Variants in LRRC7 observed in about 807,000 individuals in gnomAD.
LRRC7 encodes leucine-rich repeat-containing protein 7.
LRRC7 carries 23 observed loss-of-function variants against 175.7 expected under a neutral mutation model. The observed-to-expected ratio is 0.13, with a 90% CI of 0.09 to 0.19. The LOEUF (loss-of-function observed/expected upper bound fraction) is 0.19, where lower values mean the gene tolerates loss of function less well. Ranked by LOEUF, LRRC7 falls within the 10% of genes least tolerant of loss-of-function variation. The probability of loss-of-function intolerance (pLI) is 1.00; values close to 1 mark genes in which losing one functional copy is unlikely to be tolerated. For missense variants in LRRC7, 1,354 were observed against 1,904.7 expected (o/e 0.71, Z 5.38); for synonymous variants, 685 against 680.9 (o/e 1.01, Z -0.09).
intron 4 of LRRC7, among the ~76,000 whole-genome samples, chr1:69,824,466 C>T (rs1274407067): frequency 1.3e-5 from 2 of 152,008 alleles, no homozygotes; most frequent in Non-Finnish European, 2.9e-5. Flanking sequence ...CTTTTGGAGG[C>T]TCTTATTTAG....
At position 69,758,212 on chromosome 1, in the gene LRRC7, T is replaced by C. The variant is rs12078896; in HGVS notation, c.101-1979T>C. 9.6e-3 allele frequency among the ~76,000 whole-genome samples: 1,459 copies of C among 152,170 alleles called. 25 individuals are homozygous for C. The highest frequency in any genetic ancestry group is 0.034 in the African/African-American group (1,419 of 41,550). On this transcript the variant is annotated intron_variant, in intron 2 of 26. Coordinates refer to ENST00000651989, the MANE Select transcript of LRRC7 (RefSeq NM_001370785.2). ...CAATCAAGAATTTCAAGTAAGGTTA[T>C]GTAAAACAATAGTTACAAAATCTTG...
chr1:69,850,911 C>A (rs1314814337), intron 7 of LRRC7, among the ~76,000 whole-genome samples: 1 of 151,962 alleles, frequency 6.6e-6, no homozygotes, highest in African/African-American at 2.4e-5. Context: ...TTATGAAACT[C>A]TTTGAAGTTA....
intron 14 of LRRC7, among the ~76,000 whole-genome samples, chr1:70,018,211 A>G (rs1167082224): frequency 3.9e-5 from 6 of 152,242 alleles, no homozygotes; most frequent in East Asian, 1.9e-4. Flanking sequence ...ATTATGATAT[A>G]TCAGGTACAA....
chr1:70,093,699 AG>A (rs1158003037), intron 25 of LRRC7, among the ~76,000 whole-genome samples: 1 of 152,138 alleles, frequency 6.6e-6, no homozygotes, highest in African/African-American at 2.4e-5. Flanking sequence ...GATAATTAGG[AG>A]CATACTGTAC....
At chr1:69,642,881 T>C (rs1654449240) in intron 1 of LRRC7, among the ~76,000 whole-genome samples, 1 of 151,980 alleles carries the variant, frequency 6.6e-6, no homozygotes, top group South Asian at 2.1e-4. Context: ...GGAAGAGATT[T>C]ATTGTGGAAA....
At chr1:69,960,970 A>G (rs768094914) in intron 8 of LRRC7, among the ~76,000 whole-genome samples, 1 of 152,184 alleles carries the variant, frequency 6.6e-6, no homozygotes, top group Middle Eastern at 3.2e-3. Context: ...TAGTATTGGA[A>G]TTTCTGGCTG....
At chr1:69,748,296 A>G (rs995919619) in intron 2 of LRRC7, among the ~76,000 whole-genome samples, 1 of 152,172 alleles carries the variant, frequency 6.6e-6, no homozygotes, top group African/African-American at 2.4e-5. Context: ...TGCTTTCTCT[A>G]CATTGTTTAC....
intron 3 of LRRC7, among the ~76,000 whole-genome samples, chr1:69,783,350 T>C (rs1673994194): frequency 6.6e-6 from 1 of 152,122 alleles, no homozygotes; most frequent in African/African-American, 2.4e-5. Flanking sequence ...GATAGACAAA[T>C]AGACCAGTAG....
At chr1:69,938,406 C>T (rs551855729) in intron 8 of LRRC7, among the ~76,000 whole-genome samples, 12 of 152,144 alleles carry the variant, frequency 7.9e-5, no homozygotes, top group South Asian at 6.2e-4. Flanking sequence ...AATTGTTAAT[C>T]TCAATATTCA....
chr1:69,742,806 A>G (rs1487422466), intron 2 of LRRC7, among the ~76,000 whole-genome samples: 1 of 152,004 alleles, frequency 6.6e-6, no homozygotes, highest in East Asian at 1.9e-4. Context: ...TATTGTTTAT[A>G]GAGCATAATT....
intron 8 of LRRC7, among the ~76,000 whole-genome samples, chr1:69,934,856 C>T (rs1647826368): frequency 6.6e-6 from 1 of 152,100 alleles, no homozygotes; most frequent in South Asian, 2.1e-4. Flanking sequence ...TGCAAGCCTC[C>T]TTCACTGCCT....
At chr1:70,030,524 T>C (rs1658601844) in intron 18 of LRRC7, among the ~76,000 whole-genome samples, 1 of 152,214 alleles carries the variant, frequency 6.6e-6, no homozygotes, top group African/African-American at 2.4e-5. Context: ...TATTTTTCAA[T>C]GTCCAGATTT....
chr1:69,714,085 C>A (rs576438871), intron 2 of LRRC7, among the ~76,000 whole-genome samples: 1 of 152,222 alleles, frequency 6.6e-6, no homozygotes, highest in Non-Finnish European at 1.5e-5. Context: ...CACAGCCTTA[C>A]ACCAATTCAC....
At chr1:69,794,471 G>T (rs905176930) in intron 4 of LRRC7, among the ~76,000 whole-genome samples, 1 of 152,154 alleles carries the variant, frequency 6.6e-6, no homozygotes, top group South Asian at 2.1e-4. Flanking sequence ...GATGACCTTA[G>T]GGCTACCATG....
At chr1:69,861,656 G>A (rs971751457) in intron 7 of LRRC7, among the ~76,000 whole-genome samples, 4 of 152,188 alleles carry the variant, frequency 2.6e-5, no homozygotes, top group African/African-American at 9.7e-5. Context: ...ATATGCTAGG[G>A]AATAAAGTGT....
intron 8 of LRRC7, among the ~76,000 whole-genome samples, chr1:69,971,118 G>A (rs1219516275): frequency 6.6e-6 from 1 of 151,972 alleles, no homozygotes; most frequent in African/African-American, 2.4e-5. Flanking sequence ...AGCATACAAG[G>A]ACATACCTCA....
intron 11 of LRRC7, among the ~76,000 whole-genome samples, chr1:69,996,185 G>C (rs1654944525): frequency 6.6e-6 from 1 of 151,058 alleles, no homozygotes; most frequent in African/African-American, 2.4e-5. Context: ...TGTGTTTTTT[G>C]GCTGCATAAA....
intron 1 of LRRC7, among the ~76,000 whole-genome samples, chr1:69,658,743 A>G (rs1303446228): frequency 6.6e-6 from 1 of 152,128 alleles, no homozygotes; most frequent in Non-Finnish European, 1.5e-5. Flanking sequence ...AACAAGAATC[A>G]GAAGAATCAC....
intron 11 of LRRC7, among the ~76,000 whole-genome samples, chr1:70,000,476 T>A (rs1044304719): frequency 6.6e-6 from 1 of 152,146 alleles, no homozygotes; most frequent in Non-Finnish European, 1.5e-5. Context: ...GTGATGAAAT[T>A]ACCTAATGAT....
Sources: gnomAD v4.1 joint callset for allele counts (sites outside exome capture counted in the v4.1 genomes callset) on GRCh38, gnomAD v4.1.1 for gene constraint, MANE v1.5 for transcripts, NCBI Gene and HGNC (gene_info 2026-07-23, HGNC 2026-07-21) for gene names.